Variants in CD247 observed in about 807,000 individuals in gnomAD.
CD247 encodes CD247 molecule, also known as T-cell surface glycoprotein CD3 zeta chain.
CD247 carries 13 observed loss-of-function variants against 30.0 expected under a neutral mutation model. That is an observed-to-expected ratio of 0.43 (90% CI 0.28 to 0.69). The LOEUF (loss-of-function observed/expected upper bound fraction) is 0.69. Among genes scored for constraint, CD247 ranks in the 30% least tolerant of loss-of-function variants. CD247 has a pLI of 0.16. For missense variants in CD247, 193 were observed against 212.6 expected, an observed-to-expected ratio of 0.91 and a Z score of 0.57; for synonymous variants, 72 against 80.0, an observed-to-expected ratio of 0.90 and a Z score of 0.53.
intron 4 of CD247, 29 bp from the exon 5 acceptor site, chr1:167,435,463 G>A (rs562932582): frequency 1.3e-6 from 2 of 1,599,536 alleles, no homozygotes; most frequent in South Asian, 1.1e-5. Flanking sequence ...AGACGTTAGA[G>A]GGAGAGAAAC....
At chr1:167,505,291 C>A (rs372577166) in intron 1 of CD247, among the ~76,000 whole-genome samples, 1 of 152,022 alleles carries the variant, frequency 6.6e-6, no homozygotes, top group East Asian at 1.9e-4. Context: ...TGTTGAGATA[C>A]GGTTTACATA....
At chr1:167,439,227 C>T in intron 3 of CD247, 117 bp downstream of exon 3, 2 of 882,604 alleles carry the variant, frequency 2.3e-6, no homozygotes, top group East Asian at 2.4e-5. Flanking sequence ...GCAGCCGGGT[C>T]GCAGAGGTGA....
At chr1:167,506,080 A>G (rs1478550901) in intron 1 of CD247, among the ~76,000 whole-genome samples, 2 of 152,092 alleles carry the variant, frequency 1.3e-5, no homozygotes, top group African/African-American at 4.8e-5. Context: ...TAGGGCCATC[A>G]TTTCTCCCCT....
chr1:167,489,152 A>C lies in CD247; in HGVS notation c.58+29256T>G, dbSNP rs369469418. On this transcript the variant is annotated intron_variant, in intron 1 of 7. Coordinates refer to ENST00000362089, the MANE Select transcript of CD247 (RefSeq NM_198053.3). ...AAGAGGGAAGTGTCACAGTGGAATA[A>C]AAATGAAAGAGATAAAGGAGAGTTC... Among the ~76,000 whole-genome samples the C allele has an allele frequency of 4.6e-5, 7 of 152,316 alleles. No homozygotes were observed. The East Asian group carries it at 9.6e-4, about 21-fold the overall frequency.
intron 7 of CD247, 90 bp downstream of exon 7, chr1:167,432,934 G>C: frequency 1.4e-6 from 2 of 1,420,298 alleles, no homozygotes; most frequent in South Asian, 2.3e-5. Flanking sequence ...GGCAAGAGCT[G>C]GTGCCACCAG....
chr1:167,431,429 TACCTGCACC>T lies in CD247; in HGVS notation c.*243_*251del, dbSNP rs34484379. 0.039 allele frequency: 23,453 copies of T among 605,558 alleles called. 589 individuals carry two copies. Among genetic ancestry groups the T allele is most frequent in the Middle Eastern group, 0.076 (190 of 2,514 alleles). The allele number at this position is 605,558 out of a possible 1,614,324, so 37.5% of individuals were successfully genotyped here. On this transcript the variant is annotated 3_prime_UTR_variant, in exon 8 of 8. Coordinates refer to ENST00000362089, the MANE Select transcript of CD247 (RefSeq NM_198053.3). ...ACGAGGAACCGCCAGGAGACAGGTC[TACCTGCACC>T]ACCGGCAAACCAGAGGGCCCAAGGC...
intron 1 of CD247, among the ~76,000 whole-genome samples, chr1:167,501,395 C>T (rs188576574): frequency 3.3e-5 from 5 of 152,340 alleles, no homozygotes; most frequent in African/African-American, 1.2e-4. Context: ...ACATACCCCA[C>T]CTTCCTGCAA....
intron 1 of CD247, among the ~76,000 whole-genome samples, chr1:167,447,910 AAAACTT>A (rs546830659): frequency 1.3e-5 from 2 of 150,932 alleles, no homozygotes; most frequent in South Asian, 4.3e-4. Context: ...TTGCAGGGTA[AAAACTT>A]AGAAAACAGG....
chr1:167,491,567 C>CA (rs34384774), intron 1 of CD247, among the ~76,000 whole-genome samples: 87,129 of 143,268 alleles, frequency 0.61, 27,444 homozygotes, highest in South Asian at 0.75. Context: ...AACTCCATCT[C>CA]AAAAAAAAAA....
At chr1:167,490,044 C>T (rs1005973637) in intron 1 of CD247, among the ~76,000 whole-genome samples, 2 of 151,896 alleles carry the variant, frequency 1.3e-5, no homozygotes, top group Admixed American at 6.6e-5. Context: ...ACCTTCTGGC[C>T]CAAATAGGGA....
intron 1 of CD247, among the ~76,000 whole-genome samples, chr1:167,486,900 C>T (rs1431880619): frequency 6.6e-6 from 1 of 151,964 alleles, no homozygotes; most frequent in East Asian, 1.9e-4. Context: ...ATGGTGCAAC[C>T]CCGTCTCTAC....
intron 1 of CD247, among the ~76,000 whole-genome samples, chr1:167,485,584 A>G (rs1654169960): frequency 6.6e-6 from 1 of 152,132 alleles, no homozygotes; most frequent in Non-Finnish European, 1.5e-5. Flanking sequence ...GCCTGAGATT[A>G]GGGAGCTGCC....
intron 1 of CD247, among the ~76,000 whole-genome samples, chr1:167,469,073 C>T (rs532171378): frequency 6.6e-6 from 1 of 152,196 alleles, no homozygotes; most frequent in African/African-American, 2.4e-5. Flanking sequence ...ACCTCCACCT[C>T]CTGGGTTCAA....
intron 1 of CD247, among the ~76,000 whole-genome samples, chr1:167,487,793 C>T (rs149834258): frequency 1.6e-4 from 24 of 152,360 alleles, no homozygotes; most frequent in Admixed American, 7.2e-4. Flanking sequence ...CAGTGGCACA[C>T]GATCACTGTG....
intron 1 of CD247, among the ~76,000 whole-genome samples, chr1:167,492,344 C>A (rs1464405381): frequency 6.6e-6 from 1 of 152,130 alleles, no homozygotes; most frequent in Non-Finnish European, 1.5e-5. Context: ...AAAGGCTTAA[C>A]CCCTGCGGCG....
intron 1 of CD247, among the ~76,000 whole-genome samples, chr1:167,454,846 G>C (rs1571534843): frequency 6.6e-6 from 1 of 152,250 alleles, no homozygotes; most frequent in African/African-American, 2.4e-5. Context: ...GGGGAGCCAG[G>C]AGGGCCGCAC....
chr1:167,511,682 C>T (rs1377245263), intron 1 of CD247, among the ~76,000 whole-genome samples: 1 of 151,920 alleles, frequency 6.6e-6, no homozygotes, highest in Non-Finnish European at 1.5e-5. Context: ...AAGGGGAATA[C>T]CTTTAGAAGT....
Position 167,501,384 on chromosome 1 carries a change from T to G in CD247, c.58+17024A>C, listed in dbSNP as rs183855414. Among the ~76,000 whole-genome samples, 181 of 152,316 alleles carry G rather than the reference T, an allele frequency of 1.2e-3. 1 individual carries two copies. The highest frequency in any genetic ancestry group is 4.0e-3 in the African/African-American group (166 of 41,582). On this transcript the variant is annotated intron_variant, in intron 1 of 7. Coordinates refer to ENST00000362089, the MANE Select transcript of CD247 (RefSeq NM_198053.3). ...TCCTATTGTTCTTAACCAGGGGTCA[T>G]ACATACCCCACCTTCCTGCAATGAC...
chr1:167,506,486 T>C (rs1195500733), intron 1 of CD247, among the ~76,000 whole-genome samples: 3 of 151,922 alleles, frequency 2.0e-5, no homozygotes, highest in Non-Finnish European at 4.4e-5. Context: ...TAGCTGAGAC[T>C]ACAGGGGGGT....
Sources: allele counts gnomAD v4.1 joint callset (sites outside exome capture counted in the v4.1 genomes callset), GRCh38; gene constraint gnomAD v4.1.1; transcripts MANE v1.5; gene names NCBI Gene and HGNC (gene_info 2026-07-23, HGNC 2026-07-21).